CSMD3: variants seen among roughly 807,000 people sequenced by gnomAD.
CSMD3 encodes the protein CUB and Sushi multiple domains 3.
Under a neutral mutation model 435.2 loss-of-function variants are expected in CSMD3, and 177 were observed. That is an observed-to-expected ratio of 0.41 (90% CI 0.36 to 0.46). The LOEUF (loss-of-function observed/expected upper bound fraction) is 0.46. Among genes scored for constraint, CSMD3 ranks in the 20% least tolerant of loss-of-function variants. The pLI is 0.34. For synonymous variants in CSMD3, 1,656 were observed against 1,520.5 expected, an observed-to-expected ratio of 1.09 and a Z score of -2.07; for missense variants, 4,265 against 4,504.6, an observed-to-expected ratio of 0.95 and a Z score of 1.52.
At chr8:113,010,614 A>C (rs537422496) in intron 6 of CSMD3, among the ~76,000 whole-genome samples, 1 of 151,848 alleles carries the variant, frequency 6.6e-6, no homozygotes, top group Non-Finnish European at 1.5e-5. Flanking sequence ...AAAAATCATT[A>C]AGTTGTATGT....
chr8:112,240,935 C>T (rs1814066314), intron 66 of CSMD3, among the ~76,000 whole-genome samples: 1 of 152,042 alleles, frequency 6.6e-6, no homozygotes, highest in African/African-American at 2.4e-5. Flanking sequence ...TACTTGTCTT[C>T]CTCCATGATA....
intron 12 of CSMD3, among the ~76,000 whole-genome samples, chr8:112,827,192 T>TATATAA (rs2079719563): frequency 9.7e-6 from 1 of 103,504 alleles, no homozygotes; most frequent in South Asian, 3.2e-4. Flanking sequence ...TATATATATA[T>TATATAA]ATATATATAT....
intron 3 of CSMD3, among the ~76,000 whole-genome samples, chr8:113,247,802 T>C (rs76743830): frequency 0.032 from 4,908 of 152,200 alleles, 254 homozygotes; most frequent in African/African-American, 0.11. Flanking sequence ...GTTATTAATA[T>C]AACTTAATTA....
intron 3 of CSMD3, among the ~76,000 whole-genome samples, chr8:113,248,559 T>G (rs139683540): frequency 2.0e-3 from 295 of 147,182 alleles, no homozygotes; most frequent in African/African-American, 6.6e-3. Context: ...TACACACACA[T>G]GTGGAGGAAA....
chr8:112,719,367 C>T (rs1422170956), intron 13 of CSMD3, among the ~76,000 whole-genome samples: 8 of 152,142 alleles, frequency 5.3e-5, no homozygotes, highest in Admixed American at 5.2e-4. Context: ...GCTTATGCTG[C>T]TACACCAAAA....
chr8:112,982,007 C>A (rs1354631298), intron 6 of CSMD3, among the ~76,000 whole-genome samples: 1 of 151,742 alleles, frequency 6.6e-6, no homozygotes, highest in East Asian at 1.9e-4. Flanking sequence ...TAGAGAAAAG[C>A]TATTTTAAAT....
chr8:112,323,634 T>C (rs1256514824), intron 45 of CSMD3, among the ~76,000 whole-genome samples: 1 of 152,052 alleles, frequency 6.6e-6, no homozygotes, highest in African/African-American at 2.4e-5. Context: ...ATGCCAAAGA[T>C]TGCTTTTAAG....
intron 5 of CSMD3, among the ~76,000 whole-genome samples, chr8:113,066,615 G>A (rs1409125513): frequency 1.3e-5 from 2 of 151,962 alleles, no homozygotes; most frequent in South Asian, 4.2e-4. Flanking sequence ...ACCTCATTTG[G>A]GCTAGTATTC....
intron 12 of CSMD3, among the ~76,000 whole-genome samples, chr8:112,817,489 T>A (rs2079407907): frequency 6.6e-6 from 1 of 152,110 alleles, no homozygotes. Flanking sequence ...ATTAAAATAT[T>A]ATTGTTCAAA....
chr8:112,622,944 C>T (rs1834189199), intron 22 of CSMD3, among the ~76,000 whole-genome samples: 1 of 152,008 alleles, frequency 6.6e-6, no homozygotes, highest in Non-Finnish European at 1.5e-5. Flanking sequence ...TTTCAACTTG[C>T]CACAGTTTCT....
intron 1 of CSMD3, among the ~76,000 whole-genome samples, chr8:113,408,399 C>G (rs1380584623): frequency 6.6e-6 from 1 of 151,974 alleles, no homozygotes; most frequent in Non-Finnish European, 1.5e-5. Flanking sequence ...ATTTGCAACA[C>G]TAAGTGAAGG....
At chr8:112,490,943 G>C (rs1350135799) in intron 31 of CSMD3, among the ~76,000 whole-genome samples, 1 of 151,746 alleles carries the variant, frequency 6.6e-6, no homozygotes, top group African/African-American at 2.4e-5. Flanking sequence ...TATTCCTTTT[G>C]CCTTCTGATA....
chr8:112,552,036 C>T (rs1827728919), intron 26 of CSMD3, among the ~76,000 whole-genome samples: 1 of 151,620 alleles, frequency 6.6e-6, no homozygotes, highest in South Asian at 2.1e-4. Flanking sequence ...AGGAACTCTG[C>T]GGAAAAGGGA....
intron 1 of CSMD3, among the ~76,000 whole-genome samples, chr8:113,361,030 C>A (rs1316421747): frequency 1.3e-5 from 2 of 151,968 alleles, no homozygotes; most frequent in African/African-American, 4.8e-5. Context: ...AAAAAAGGAA[C>A]ATTTAAGGAC....
chr8:112,232,094 T>C (rs1393540649), intron 68 of CSMD3, among the ~76,000 whole-genome samples: 4 of 152,106 alleles, frequency 2.6e-5, no homozygotes, highest in Non-Finnish European at 5.9e-5. Context: ...TTGACAATAG[T>C]TAAGTTGCAA....
chr8:113,336,077 C>T (rs1197220531), intron 1 of CSMD3, among the ~76,000 whole-genome samples: 1 of 151,444 alleles, frequency 6.6e-6, no homozygotes, highest in Non-Finnish European at 1.5e-5. Flanking sequence ...TATTTTAGTC[C>T]TACAGGTTCT....
intron 2 of CSMD3, among the ~76,000 whole-genome samples, chr8:113,303,188 G>A (rs1312800485): frequency 6.9e-6 from 1 of 144,916 alleles, no homozygotes; most frequent in Admixed American, 7.1e-5. Flanking sequence ...AAAATACCTA[G>A]GAATCCAACT....
intron 10 of CSMD3, among the ~76,000 whole-genome samples, chr8:112,885,313 T>C (rs376729258): frequency 5.9e-4 from 90 of 151,566 alleles, no homozygotes; most frequent in African/African-American, 7.5e-4. Flanking sequence ...CTAAGAAAGA[T>C]TGAGCTGCAA....
chr8:112,272,300 A>G (rs1817597823), intron 59 of CSMD3, among the ~76,000 whole-genome samples: 1 of 152,170 alleles, frequency 6.6e-6, no homozygotes, highest in Non-Finnish European at 1.5e-5. Context: ...AGCTACTTCA[A>G]ATTTTTTGCA....
Sources: allele counts gnomAD v4.1 joint callset (sites outside exome capture counted in the v4.1 genomes callset), GRCh38; gene constraint gnomAD v4.1.1; transcripts MANE v1.5; gene names NCBI Gene and HGNC (gene_info 2026-07-23, HGNC 2026-07-21).